KHDRBS2: variants seen among roughly 807,000 people sequenced by gnomAD.
The protein encoded by KHDRBS2 is KH domain-containing, RNA-binding, signal transduction-associated protein 2.
Under a neutral mutation model 44.3 loss-of-function variants are expected in KHDRBS2, and 26 were observed. The observed-to-expected ratio is 0.59, with a 90% CI of 0.43 to 0.81. The LOEUF (loss-of-function observed/expected upper bound fraction) is 0.81, where lower values mean the gene tolerates loss of function less well. KHDRBS2 is among the 40% of genes least tolerant of loss of function. The pLI is 0.00. For synonymous variants in KHDRBS2, 194 were observed against 151.1 expected, an observed-to-expected ratio of 1.28 and a Z score of -2.08; for missense variants, 476 against 433.1, an observed-to-expected ratio of 1.10 and a Z score of -0.88.
the KHDRBS2 span, among the ~76,000 whole-genome samples, chr6:61,652,784 G>A: frequency 6.6e-6 from 1 of 151,992 alleles, no homozygotes; most frequent in African/African-American, 2.4e-5. Context: ...ATGTAGCCAT[G>A]GGCACAGAGT....
chr6:62,269,864 A>C (rs1175944489), intron 1 of KHDRBS2, among the ~76,000 whole-genome samples: 1 of 152,124 alleles, frequency 6.6e-6, no homozygotes, highest in Non-Finnish European at 1.5e-5. Context: ...AAAATGGTAC[A>C]TATTTGGTCA....
chr6:61,636,765 T>C, the KHDRBS2 span, among the ~76,000 whole-genome samples: 1 of 152,094 alleles, frequency 6.6e-6, no homozygotes, highest in Non-Finnish European at 1.5e-5. Flanking sequence ...TACACCTCTA[T>C]TTCAAACCTG....
the KHDRBS2 span, among the ~76,000 whole-genome samples, chr6:61,566,717 C>T: frequency 2.1e-3 from 203 of 96,878 alleles, 1 homozygote; most frequent in African/African-American, 6.8e-3. Flanking sequence ...AAAAAACGTT[C>T]GCTCTTTTTT....
At chr6:61,987,664 AT>A (rs1225932476) in intron 3 of KHDRBS2, among the ~76,000 whole-genome samples, 7 of 152,176 alleles carry the variant, frequency 4.6e-5, no homozygotes, top group Non-Finnish European at 1.5e-5. Context: ...ATTTAAAGAC[AT>A]TTTTAAATGG....
chr6:61,844,776 T>C (rs1434745806), intron 6 of KHDRBS2, among the ~76,000 whole-genome samples: 1 of 152,192 alleles, frequency 6.6e-6, no homozygotes, highest in Non-Finnish European at 1.5e-5. Context: ...CATGTAAAGC[T>C]AGCTTTTTGT....
intron 2 of KHDRBS2, among the ~76,000 whole-genome samples, chr6:62,075,876 G>A (rs1319070359): frequency 1.4e-5 from 2 of 143,374 alleles, no homozygotes; most frequent in African/African-American, 2.6e-5. Context: ...TGGTGGCCTG[G>A]CAATCCCTAT....
intron 2 of KHDRBS2, among the ~76,000 whole-genome samples, chr6:62,103,858 T>C (rs977633229): frequency 1.3e-5 from 2 of 152,150 alleles, no homozygotes; most frequent in Non-Finnish European, 2.9e-5. Flanking sequence ...TATAATTCTA[T>C]TAAAAGTGAA....
intron 6 of KHDRBS2, among the ~76,000 whole-genome samples, chr6:61,800,050 G>A (rs556403823): frequency 6.6e-6 from 1 of 151,942 alleles, no homozygotes; most frequent in Non-Finnish European, 1.5e-5. Context: ...ATGCCTATAA[G>A]TATTATTGCT....
At chr6:61,558,242 CTT>C in the KHDRBS2 span, among the ~76,000 whole-genome samples, 1 of 152,060 alleles carries the variant, frequency 6.6e-6, no homozygotes, top group East Asian at 1.9e-4. Flanking sequence ...AGTTTTCTTA[CTT>C]TTTTGATGTA....
chr6:62,260,221 T>C (rs1183366815), intron 1 of KHDRBS2, among the ~76,000 whole-genome samples: 1 of 152,026 alleles, frequency 6.6e-6, no homozygotes, highest in Non-Finnish European at 1.5e-5. Context: ...TTATAAGATC[T>C]TAAAGATTAA....
At chr6:61,630,431 GC>G in the KHDRBS2 span, 1 of 152,082 alleles carries the variant, frequency 6.6e-6, no homozygotes, top group African/African-American at 2.4e-5. Context: ...TTTGGTGAAG[GC>G]CCCCAGCAGC....
At chr6:62,113,206 A>C (rs1176362410) in intron 2 of KHDRBS2, among the ~76,000 whole-genome samples, 1 of 152,122 alleles carries the variant, frequency 6.6e-6, no homozygotes, top group East Asian at 1.9e-4. Context: ...TTCTTTAAGC[A>C]CATATTATGT....
intron 6 of KHDRBS2, among the ~76,000 whole-genome samples, chr6:61,776,603 A>C (rs1248297137): frequency 6.6e-6 from 1 of 152,218 alleles, no homozygotes; most frequent in Non-Finnish European, 1.5e-5. Context: ...TTCTCACACC[A>C]GTTAGAATGG....
the KHDRBS2 span, among the ~76,000 whole-genome samples, chr6:61,656,942 A>T: frequency 6.6e-6 from 1 of 151,978 alleles, no homozygotes; most frequent in East Asian, 1.9e-4. Context: ...AGAATTATGT[A>T]ATCATGTTTA....
chr6:61,766,203 C>T (rs1249936231), intron 6 of KHDRBS2, among the ~76,000 whole-genome samples: 8 of 151,726 alleles, frequency 5.3e-5, no homozygotes, highest in Non-Finnish European at 8.8e-5. Context: ...GATTCAATCT[C>T]GGTAGGTTTT....
intron 4 of KHDRBS2, among the ~76,000 whole-genome samples, chr6:61,948,318 T>C (rs531860333): frequency 2.6e-5 from 4 of 152,290 alleles, no homozygotes; most frequent in African/African-American, 9.6e-5. Flanking sequence ...GTGTGATTTA[T>C]GTAATTGCAT....
intron 7 of KHDRBS2, among the ~76,000 whole-genome samples, chr6:61,702,983 C>T (rs1023411340): frequency 1.3e-5 from 2 of 151,744 alleles, no homozygotes; most frequent in African/African-American, 4.8e-5. Flanking sequence ...CTGCTATAAC[C>T]ACCGAAGTAA....
the KHDRBS2 span, among the ~76,000 whole-genome samples, chr6:61,624,005 A>G: frequency 6.6e-6 from 1 of 152,230 alleles, no homozygotes; most frequent in South Asian, 2.1e-4. Flanking sequence ...ATTCTTGGCT[A>G]GAAGCCAATG....
intron 6 of KHDRBS2, among the ~76,000 whole-genome samples, chr6:61,765,826 A>C (rs1455539691): frequency 6.6e-6 from 1 of 152,158 alleles, no homozygotes; most frequent in East Asian, 1.9e-4. Flanking sequence ...TCATCTTTGC[A>C]ATCCCACTGA....
Sources: gnomAD v4.1 joint callset for allele counts (sites outside exome capture counted in the v4.1 genomes callset) on GRCh38, gnomAD v4.1.1 for gene constraint, MANE v1.5 for transcripts, NCBI Gene and HGNC (gene_info 2026-07-23, HGNC 2026-07-21) for gene names.